Variants in PIBF1 observed in about 807,000 individuals in gnomAD.
PIBF1 encodes progesterone-induced-blocking factor 1.
In PIBF1, 90 loss-of-function variants were observed where a neutral mutation model predicts 112.5. The ratio of observed to expected loss-of-function variants is 0.80; its 90% CI spans 0.67 to 0.95. The LOEUF is 0.95. PIBF1 is among the 40% of genes least tolerant of loss of function. The probability of loss-of-function intolerance (pLI) is 0.00; values close to 1 mark genes in which losing one functional copy is unlikely to be tolerated. For missense variants in PIBF1, 915 were observed against 852.3 expected, an observed-to-expected ratio of 1.07 and a Z score of -0.92; for synonymous variants, 301 against 288.6, an observed-to-expected ratio of 1.04 and a Z score of -0.44.
chr13:72,782,638 C>T (rs1364252324), intron 1 of PIBF1, among the ~76,000 whole-genome samples: 1 of 152,108 alleles, frequency 6.6e-6, no homozygotes, highest in Non-Finnish European at 1.5e-5. Context: ...TTTGTTATAT[C>T]ATGAGGTATT....
At chr13:72,825,451 A>G (rs975399025) in intron 6 of PIBF1, among the ~76,000 whole-genome samples, 1 of 152,206 alleles carries the variant, frequency 6.6e-6, no homozygotes, top group African/African-American at 2.4e-5. Flanking sequence ...CTTGACCAAC[A>G]TGGGGTCCAC....
At chr13:72,920,461 G>T (rs7327453) in intron 13 of PIBF1, among the ~76,000 whole-genome samples, 31,695 of 152,180 alleles carry the variant, frequency 0.21, 3,401 homozygotes, top group Middle Eastern at 0.27. Flanking sequence ...TGGCACTAAA[G>T]ATCCCAGGTT....
chr13:72,825,117 A>G (rs1311626592), intron 6 of PIBF1, among the ~76,000 whole-genome samples: 3 of 152,182 alleles, frequency 2.0e-5, no homozygotes, highest in Admixed American at 1.3e-4. Context: ...GCATGGTAAT[A>G]GATTATAATA....
intron 9 of PIBF1, among the ~76,000 whole-genome samples, chr13:72,843,092 G>C (rs2037684560): frequency 1.3e-5 from 2 of 152,140 alleles, no homozygotes; most frequent in African/African-American, 4.8e-5. Flanking sequence ...AGATTTTAAA[G>C]GTTCTGTTGT....
intron 10 of PIBF1, among the ~76,000 whole-genome samples, chr13:72,855,079 G>A (rs534598587): frequency 6.6e-6 from 1 of 152,140 alleles, no homozygotes; most frequent in East Asian, 1.9e-4. Flanking sequence ...TTTCAGAAAA[G>A]TTGCTAAAAT....
chr13:72,837,555 A>G (rs1211950910), intron 9 of PIBF1, among the ~76,000 whole-genome samples: 2 of 152,152 alleles, frequency 1.3e-5, no homozygotes, highest in Non-Finnish European at 2.9e-5. Flanking sequence ...CCTAGTTTTC[A>G]TTAAATAAAT....
chr13:72,855,612 G>A (rs1055071731), intron 10 of PIBF1, among the ~76,000 whole-genome samples: 11 of 152,166 alleles, frequency 7.2e-5, no homozygotes, highest in African/African-American at 2.7e-4. Context: ...TCATGCCACA[G>A]CACTCCAGCC....
At chr13:72,791,073 T>G (rs534691779) in intron 2 of PIBF1, among the ~76,000 whole-genome samples, 6 of 125,798 alleles carry the variant, frequency 4.8e-5, no homozygotes, top group African/African-American at 1.6e-4. Context: ...TTGTTTGTTT[T>G]AGATGGAGTC....
chr13:72,927,689 G>GA (rs2138743984), intron 13 of PIBF1, among the ~76,000 whole-genome samples: 1 of 151,490 alleles, frequency 6.6e-6, no homozygotes, highest in East Asian at 1.9e-4. Flanking sequence ...TTATAATGAT[G>GA]AAAAACAGTT....
At chr13:72,788,685 A>C (rs1566269339) in intron 2 of PIBF1, among the ~76,000 whole-genome samples, 1 of 152,190 alleles carries the variant, frequency 6.6e-6, no homozygotes. Flanking sequence ...ATTGACTAAC[A>C]TTGTATAGCA....
chr13:72,783,876 T>C (rs987614099), intron 2 of PIBF1, among the ~76,000 whole-genome samples, 155 bp downstream of exon 2: 4 of 151,898 alleles, frequency 2.6e-5, no homozygotes, highest in African/African-American at 9.7e-5. Context: ...TTCATAGAAG[T>C]AGAGAATAGA....
intron 2 of PIBF1, among the ~76,000 whole-genome samples, chr13:72,790,444 C>T (rs1593886992): frequency 2.0e-5 from 3 of 150,184 alleles, no homozygotes; most frequent in South Asian, 2.1e-4. Flanking sequence ...CACACACACA[C>T]ACACACACAC....
At position 72,998,941 on chromosome 13, in the gene PIBF1, G is replaced by C; in HGVS notation, c.2169G>C (p.Leu723Phe). The change falls in exon 17 of 18, where the codon TTG becomes TTC. Residue 723 changes from leucine (L) to phenylalanine (F), a missense_variant. Physicochemically the swap from Leu to Phe is conservative, Grantham distance 22 (BLOSUM62 0). Transcript: ENST00000326291. ...HVTENQKSKT[L>F]NVPKEHEDNI... The stretch of plus-strand genomic sequence containing the variant: ...CAGAAAATCAGAAATCAAAGACTTT[G>C]AATGTGCCTAAAGAGCATGAAGACA... The C allele has an allele frequency of 1.9e-6, 3 of 1,612,228 alleles. No individual in the cohort carries two copies. The highest frequency in any genetic ancestry group is 2.5e-6 in the Non-Finnish European group (3 of 1,178,724).
chr13:72,888,516 G>T (rs961431233), intron 10 of PIBF1, among the ~76,000 whole-genome samples: 3 of 152,066 alleles, frequency 2.0e-5, no homozygotes, highest in Non-Finnish European at 4.4e-5. Flanking sequence ...TTAAATGTTT[G>T]CTTGTGCATG....
intron 13 of PIBF1, among the ~76,000 whole-genome samples, chr13:72,923,836 C>T (rs563841525): frequency 1.4e-3 from 212 of 152,160 alleles, no homozygotes; most frequent in Middle Eastern, 6.8e-3. Context: ...TAGTGGTGGG[C>T]GCCTGTAATC....
At chr13:72,955,783 A>T (rs1269814277) in intron 14 of PIBF1, among the ~76,000 whole-genome samples, 2 of 151,930 alleles carry the variant, frequency 1.3e-5, no homozygotes, top group Non-Finnish European at 2.9e-5. Flanking sequence ...TTTCATTCCC[A>T]CTAAATTTGT....
chr13:72,808,235 C>CT (rs1485187463), intron 5 of PIBF1, among the ~76,000 whole-genome samples: 3 of 152,056 alleles, frequency 2.0e-5, no homozygotes, highest in Admixed American at 2.0e-4. Context: ...TTTTATTTCT[C>CT]TATTTGTTTA....
At chr13:72,862,193 A>G (rs2038723517) in intron 10 of PIBF1, among the ~76,000 whole-genome samples, 1 of 152,230 alleles carries the variant, frequency 6.6e-6, no homozygotes. Flanking sequence ...CATTCTGGGT[A>G]GTGGGAAGAG....
intron 11 of PIBF1, among the ~76,000 whole-genome samples, chr13:72,901,666 C>T (rs145405498): frequency 0.028 from 4,175 of 151,010 alleles, 182 homozygotes; most frequent in African/African-American, 0.097. Flanking sequence ...GCCTGGGTGA[C>T]AAGAGCGAGA....
Sources: allele counts gnomAD v4.1 joint callset (sites outside exome capture counted in the v4.1 genomes callset), GRCh38; gene constraint gnomAD v4.1.1; transcripts MANE v1.5; gene names NCBI Gene and HGNC (gene_info 2026-07-23, HGNC 2026-07-21).